The following UST variants were observed in gnomAD, a reference collection of about 807,000 sequenced individuals.
UST encodes the protein chondroitin sulfate 2-O-sulfotransferase.
In UST, 21 loss-of-function variants were observed where a neutral mutation model predicts 45.6. The ratio of observed to expected loss-of-function variants is 0.46; its 90% confidence interval spans 0.33 to 0.66. The LOEUF (loss-of-function observed/expected upper bound fraction) is 0.66. Among genes scored for constraint, UST ranks in the 30% least tolerant of loss-of-function variants. UST has a pLI of 0.02. For missense variants in UST, 463 were observed against 512.4 expected (o/e 0.90, Z 0.93); for synonymous variants, 215 against 200.6 (o/e 1.07, Z -0.61).
intron 5 of UST, among the ~76,000 whole-genome samples, chr6:149,018,701 T>A (rs1296334461): frequency 6.6e-6 from 1 of 152,234 alleles, no homozygotes; most frequent in Non-Finnish European, 1.5e-5. Context: ...CTTATGAGAC[T>A]ATTGTAGGTA....
intron 1 of UST, among the ~76,000 whole-genome samples, chr6:148,778,017 G>A (rs929317709): frequency 6.6e-6 from 1 of 152,148 alleles, no homozygotes; most frequent in East Asian, 1.9e-4. Context: ...GCAGGTTCAC[G>A]CTTTGGTGTT....
At chr6:149,007,982 T>G (rs1008718196) in intron 5 of UST, among the ~76,000 whole-genome samples, 2 of 152,216 alleles carry the variant, frequency 1.3e-5, no homozygotes, top group Non-Finnish European at 2.9e-5. Flanking sequence ...CTTTAAGAGA[T>G]AAACTGTTGC....
chr6:149,020,347 T>G (rs1190636241), intron 6 of UST, among the ~76,000 whole-genome samples: 2 of 152,178 alleles, frequency 1.3e-5, no homozygotes, highest in Non-Finnish European at 2.9e-5. Context: ...TACCTCCTGG[T>G]TAACATTTAG....
chr6:148,758,258 G>A (rs11757768), intron 1 of UST, among the ~76,000 whole-genome samples: 61,200 of 151,964 alleles, frequency 0.4, 12,432 homozygotes, highest in South Asian at 0.45. Flanking sequence ...GACAAGTTCC[G>A]GTAATTCATC....
intron 1 of UST, among the ~76,000 whole-genome samples, chr6:148,825,321 G>T (rs1022082047): frequency 6.6e-6 from 1 of 152,150 alleles, no homozygotes; most frequent in Non-Finnish European, 1.5e-5. Flanking sequence ...TGCTTGTTTG[G>T]CTTCAGTAGT....
chr6:148,855,159 G>GTC (rs1478094796), intron 1 of UST, among the ~76,000 whole-genome samples: 7 of 152,142 alleles, frequency 4.6e-5, no homozygotes, highest in Admixed American at 3.9e-4. Flanking sequence ...CTCCCACTGG[G>GTC]TCTCTCTCCC....
chr6:148,791,932 A>G (rs913291335), intron 1 of UST, among the ~76,000 whole-genome samples: 1 of 152,210 alleles, frequency 6.6e-6, no homozygotes, highest in Non-Finnish European at 1.5e-5. Context: ...CTAAGCTTGC[A>G]CACTTACTTT....
At chr6:149,011,439 T>C (rs1458773158) in intron 5 of UST, among the ~76,000 whole-genome samples, 1 of 152,216 alleles carries the variant, frequency 6.6e-6, no homozygotes, top group East Asian at 1.9e-4. Flanking sequence ...AATAATTTAA[T>C]TGTCCATTTT....
intron 1 of UST, among the ~76,000 whole-genome samples, chr6:148,855,917 A>G (rs1283518008): frequency 6.6e-6 from 1 of 152,194 alleles, no homozygotes; most frequent in Non-Finnish European, 1.5e-5. Flanking sequence ...AAAAAAGTCA[A>G]TTGATAGATG....
chr6:148,753,160 T>C (rs892104349), intron 1 of UST, among the ~76,000 whole-genome samples: 1 of 152,218 alleles, frequency 6.6e-6, no homozygotes, highest in Non-Finnish European at 1.5e-5. Context: ...ATATACCATA[T>C]AATTCACCCA....
intron 7 of UST, among the ~76,000 whole-genome samples, chr6:149,033,978 C>T (rs1382740179): frequency 6.6e-6 from 1 of 152,192 alleles, no homozygotes; most frequent in Non-Finnish European, 1.5e-5. Flanking sequence ...ACCGCGCTAT[C>T]TGTAACTAGT....
chr6:148,786,703 G>A (rs556661281), intron 1 of UST, among the ~76,000 whole-genome samples: 66 of 152,246 alleles, frequency 4.3e-4, no homozygotes, highest in Middle Eastern at 3.4e-3. Context: ...GAACATATGC[G>A]TGCATGTCTG....
At chr6:148,992,435 C>G (rs977743378) in intron 5 of UST, among the ~76,000 whole-genome samples, 23 of 152,200 alleles carry the variant, frequency 1.5e-4, no homozygotes, top group Non-Finnish European at 1.5e-5. Context: ...CGCCACTGCA[C>G]TCCAGCCTGG....
chr6:148,789,329 C>T (rs1316324394), intron 1 of UST, among the ~76,000 whole-genome samples: 1 of 151,934 alleles, frequency 6.6e-6, no homozygotes, highest in Non-Finnish European at 1.5e-5. Context: ...ATCTCAGGCC[C>T]ACCCCAACCC....
intron 1 of UST, among the ~76,000 whole-genome samples, chr6:148,840,363 T>G (rs148148259): frequency 5.6e-4 from 86 of 152,294 alleles, no homozygotes; most frequent in African/African-American, 2.0e-3. Flanking sequence ...GGGGTTTGAT[T>G]TACACGTTCA....
At chr6:148,838,758 A>G (rs2114769408) in intron 1 of UST, among the ~76,000 whole-genome samples, 1 of 151,990 alleles carries the variant, frequency 6.6e-6, no homozygotes, top group African/African-American at 2.4e-5. Flanking sequence ...TTTTTTTTTA[A>G]TGATCACTTT....
At chr6:148,995,428 G>A (rs983640235) in intron 5 of UST, among the ~76,000 whole-genome samples, 2 of 152,202 alleles carry the variant, frequency 1.3e-5, no homozygotes, top group African/African-American at 4.8e-5. Flanking sequence ...CCCAAACCCA[G>A]ATCATCTGAT....
intron 2 of UST, among the ~76,000 whole-genome samples, chr6:148,894,773 A>G (rs1779086874): frequency 6.7e-6 from 1 of 148,480 alleles, no homozygotes; most frequent in African/African-American, 2.5e-5. Context: ...TTTAAGAAAC[A>G]TTGAAACCAT....
chr6:148,905,861 A>G (rs1779347209), intron 2 of UST, among the ~76,000 whole-genome samples: 1 of 152,162 alleles, frequency 6.6e-6, no homozygotes, highest in Admixed American at 6.5e-5. Flanking sequence ...GTCACTTCTG[A>G]CCTTATAATA....
Sources: allele counts gnomAD v4.1 joint callset (sites outside exome capture counted in the v4.1 genomes callset), GRCh38; gene constraint gnomAD v4.1.1; transcripts MANE v1.5; gene names NCBI Gene and HGNC (gene_info 2026-07-23, HGNC 2026-07-21).